The following FCHSD2 variants were observed in gnomAD, a reference collection of about 807,000 sequenced individuals.
FCHSD2 encodes FCH and double SH3 domains 2, also known as F-BAR and double SH3 domains protein 2.
In FCHSD2, 38 loss-of-function variants were observed where a neutral mutation model predicts 108.1. The observed-to-expected ratio is 0.35, with a 90% CI of 0.27 to 0.46. The LOEUF (loss-of-function observed/expected upper bound fraction) is 0.46, where lower values mean the gene tolerates loss of function less well. Among genes scored for constraint, FCHSD2 ranks in the 20% least tolerant of loss-of-function variants. FCHSD2 has a pLI of 1.00. For synonymous variants in FCHSD2, 279 were observed against 314.7 expected, an observed-to-expected ratio of 0.89 and a Z score of 1.20; for missense variants, 751 against 897.8, an observed-to-expected ratio of 0.84 and a Z score of 2.09.
chr11:73,078,735 T>C (rs997692216), intron 3 of FCHSD2, among the ~76,000 whole-genome samples: 1 of 152,170 alleles, frequency 6.6e-6, no homozygotes, highest in Non-Finnish European at 1.5e-5. Context: ...TGTTCTTTTT[T>C]AGAGACAAGG....
chr11:73,079,878 T>C (rs1291028195), intron 3 of FCHSD2, among the ~76,000 whole-genome samples: 1 of 152,184 alleles, frequency 6.6e-6, no homozygotes, highest in Non-Finnish European at 1.5e-5. Flanking sequence ...AGTATTTTAA[T>C]TTCTGCATAT....
intron 9 of FCHSD2, among the ~76,000 whole-genome samples, chr11:72,908,548 T>C (rs1283354628): frequency 6.6e-6 from 1 of 152,244 alleles, no homozygotes; most frequent in Non-Finnish European, 1.5e-5. Flanking sequence ...GCATCTGTGT[T>C]ACTGCCTATC....
chr11:72,946,734 G>C (rs991969200), intron 8 of FCHSD2, among the ~76,000 whole-genome samples: 7 of 152,138 alleles, frequency 4.6e-5, no homozygotes, highest in African/African-American at 1.4e-4. Context: ...TATTCTAGGA[G>C]CTTTGTGCAG....
At chr11:72,917,539 T>C (rs1855898253) in intron 9 of FCHSD2, among the ~76,000 whole-genome samples, 1 of 152,216 alleles carries the variant, frequency 6.6e-6, no homozygotes, top group African/African-American at 2.4e-5. Context: ...CAACTTTATT[T>C]TTCCTTTTCA....
intron 2 of FCHSD2, among the ~76,000 whole-genome samples, chr11:73,139,469 A>G (rs1861197091): frequency 6.6e-6 from 1 of 152,250 alleles, no homozygotes; most frequent in Non-Finnish European, 1.5e-5. Flanking sequence ...ACTGATTTTC[A>G]CAATATTAGC....
chr11:73,067,534 T>C (rs573057789), intron 3 of FCHSD2, among the ~76,000 whole-genome samples: 78 of 151,584 alleles, frequency 5.1e-4, no homozygotes, highest in African/African-American at 1.9e-3. Flanking sequence ...AAAAAACAAT[T>C]TGAACTTCCC....
At chr11:73,081,076 C>A (rs1859673229) in intron 3 of FCHSD2, among the ~76,000 whole-genome samples, 1 of 152,170 alleles carries the variant, frequency 6.6e-6, no homozygotes, top group East Asian at 1.9e-4. Flanking sequence ...AGAGGACTCA[C>A]TTTTCATAAA....
chr11:72,936,898 C>G (rs1219766017), intron 8 of FCHSD2, among the ~76,000 whole-genome samples: 1 of 152,158 alleles, frequency 6.6e-6, no homozygotes. Flanking sequence ...GATTTAAAAT[C>G]TTTGTCTAGT....
chr11:73,008,083 G>T (rs1230858458), intron 4 of FCHSD2, among the ~76,000 whole-genome samples: 1 of 152,030 alleles, frequency 6.6e-6, no homozygotes, highest in Non-Finnish European at 1.5e-5. Flanking sequence ...AGTGCCTCAC[G>T]CCTGTAGCAC....
chr11:73,129,312 G>A lies in FCHSD2; in HGVS notation c.119+10719C>T, dbSNP rs915698083. On this transcript the variant is annotated intron_variant, in intron 2 of 19. Transcript: ENST00000409418. ...AACCCCCAGGCCACGGACCACTAACGGTCTGTGGCCTGTTAGGAACTGGGA... is the reference window on the plus strand; with the variant it reads ...AACCCCCAGGCCACGGACCACTAACAGTCTGTGGCCTGTTAGGAACTGGGA... Among the ~76,000 whole-genome samples, 4 of 152,142 alleles carry A rather than the reference G, an allele frequency of 2.6e-5. No homozygotes were observed. In the East Asian group the frequency reaches 5.8e-4, roughly 22 times the overall value.
At chr11:72,930,330 T>C (rs1427567496) in intron 8 of FCHSD2, among the ~76,000 whole-genome samples, 3 of 152,214 alleles carry the variant, frequency 2.0e-5, no homozygotes, top group Non-Finnish European at 4.4e-5. Context: ...AAAACTTTAC[T>C]AGTGCCAACC....
At chr11:72,943,885 G>A (rs1007343786) in intron 8 of FCHSD2, among the ~76,000 whole-genome samples, 11 of 152,226 alleles carry the variant, frequency 7.2e-5, no homozygotes, top group South Asian at 2.1e-4. Context: ...CACTAAGAAC[G>A]TATGAAGATA....
At chr11:72,947,253 A>G (rs560838602) in intron 8 of FCHSD2, among the ~76,000 whole-genome samples, 1 of 152,372 alleles carries the variant, frequency 6.6e-6, no homozygotes, top group East Asian at 1.9e-4. Context: ...TCCCCTGGGT[A>G]AGAAATGCTG....
At chr11:73,015,973 A>G (rs1042080837) in intron 3 of FCHSD2, 88 bp from the exon 4 acceptor site, 13 of 715,548 alleles carry the variant, frequency 1.8e-5, no homozygotes, top group Non-Finnish European at 1.9e-5. Context: ...AGAAAATCTC[A>G]TTTTTCCAAA....
rs576166566 is a variant in FCHSD2, at chr11:72,895,059, A to G, written c.925-5114T>C. Among the ~76,000 whole-genome samples, 8 of 152,340 alleles carry G rather than the reference A, an allele frequency of 5.3e-5. No homozygotes were observed. In the South Asian group the frequency reaches 1.7e-3, roughly 32 times the overall value. ...CACACACCTTGAAGAGGAGTGGAAC[A>G]GTGCCTCTTAAGAGACATAATTTAA... On this transcript the variant is annotated intron_variant, in intron 10 of 19. Coordinates refer to ENST00000409418, the MANE Select transcript of FCHSD2 (RefSeq NM_014824.3).
intron 8 of FCHSD2, among the ~76,000 whole-genome samples, chr11:72,978,542 A>G (rs1857151492): frequency 6.6e-6 from 1 of 152,106 alleles, no homozygotes; most frequent in South Asian, 2.1e-4. Context: ...CTGTGTCCCC[A>G]CTCAAATCTC....
intron 3 of FCHSD2, among the ~76,000 whole-genome samples, chr11:73,035,995 A>T (rs1425352949): frequency 6.6e-6 from 1 of 152,174 alleles, no homozygotes; most frequent in Non-Finnish European, 1.5e-5. Flanking sequence ...CTGGGATTAC[A>T]AGCGTGAGCC....
intron 12 of FCHSD2, among the ~76,000 whole-genome samples, chr11:72,877,488 T>A (rs1854994027): frequency 6.6e-6 from 1 of 152,194 alleles, no homozygotes; most frequent in Admixed American, 6.5e-5. Flanking sequence ...TATTAAATAA[T>A]TTTTGTTTTA....
intron 3 of FCHSD2, among the ~76,000 whole-genome samples, chr11:73,033,422 T>C (rs936983005): frequency 6.6e-6 from 1 of 151,906 alleles, no homozygotes; most frequent in Non-Finnish European, 1.5e-5. Flanking sequence ...TGCAAAGAAT[T>C]TTAGAATTAT....
Sources: allele counts gnomAD v4.1 joint callset (sites outside exome capture counted in the v4.1 genomes callset), GRCh38; gene constraint gnomAD v4.1.1; transcripts MANE v1.5; gene names NCBI Gene and HGNC (gene_info 2026-07-23, HGNC 2026-07-21).